The following ITPKC variants were observed in gnomAD, a reference collection of about 807,000 sequenced individuals.
ITPKC encodes IP3 3-kinase C.
ITPKC carries 33 observed loss-of-function variants against 67.1 expected under a neutral mutation model. The observed-to-expected ratio is 0.49, with a 90% confidence interval of 0.37 to 0.66. The LOEUF is 0.66. Among genes scored for constraint, ITPKC ranks in the 30% least tolerant of loss-of-function variants. ITPKC has a pLI of 0.00. For missense variants in ITPKC, 820 were observed against 892.1 expected (o/e 0.92, Z 1.03); for synonymous variants, 341 against 359.8 (o/e 0.95, Z 0.59).
chr19:40,738,289 C>T (rs1319961156), intron 6 of ITPKC, among the ~76,000 whole-genome samples: 4 of 151,742 alleles, frequency 2.6e-5, no homozygotes, highest in Non-Finnish European at 5.9e-5. Flanking sequence ...ATTAGCCGGG[C>T]GTGGTGGCGG....
In ITPKC at chr19:40,717,171, G is replaced by GGCGGAGGCCGGGGCGCTGCCC; in HGVS notation, c.41_61dup (p.Glu14_Ala20dup). ...GCCCGTGCCGTGGGAGCCTGAACGA[G>GGCGGAGGCCGGGGCGCTGCCC]GCGGAGGCCGGGGCGCTGCCCGCGG... is the stretch of plus-strand genomic sequence containing the variant. On this transcript the variant is annotated inframe_insertion, in exon 1 of 7. Coordinates refer to ENST00000263370, the MANE Select transcript of ITPKC (RefSeq NM_025194.3). 1 of 1,227,350 alleles carries GGCGGAGGCCGGGGCGCTGCCC rather than the reference G, an allele frequency of 8.1e-7. No homozygotes were observed. Among genetic ancestry groups the GGCGGAGGCCGGGGCGCTGCCC allele is most frequent in the Non-Finnish European group, 1.0e-6 (1 of 985,390 alleles). 76.0% of individuals were successfully genotyped at this position (1,227,350 alleles called of 1,614,324 possible). A position where few individuals can be genotyped will look rare whatever the true frequency, so the allele number is the denominator to read the frequency against.
In ITPKC at chr19:40,720,659, T is replaced by C. The variant is rs557100973; in HGVS notation, c.1155+2369T>C. Among the ~76,000 whole-genome samples, 22 of 152,260 alleles carry C rather than the reference T, an allele frequency of 1.4e-4. No homozygotes were observed. In the East Asian group the frequency reaches 4.1e-3, roughly 28 times the overall value. On this transcript the variant is annotated intron_variant, in intron 1 of 6. Coordinates refer to ENST00000263370, the MANE Select transcript of ITPKC (RefSeq NM_025194.3). ...GCAGTCAGGGGCTCAGTGCTGCGTT[T>C]GGAGCCTCCGGTCTCCAGGCGCCTT...
At chr19:40,737,438 C>T (rs977979614) in intron 5 of ITPKC, among the ~76,000 whole-genome samples, 3 of 152,226 alleles carry the variant, frequency 2.0e-5, no homozygotes, top group Non-Finnish European at 2.9e-5. Flanking sequence ...AGTCATGTGA[C>T]CCAGCCTGGA....
At chr19:40,730,811 CAAT>C (rs756407607) in intron 3 of ITPKC, among the ~76,000 whole-genome samples, 76 of 152,262 alleles carry the variant, frequency 5.0e-4, no homozygotes, top group Non-Finnish European at 3.4e-4. Context: ...ACTGCCACAA[CAAT>C]GAGAGCACAG....
intron 4 of ITPKC, among the ~76,000 whole-genome samples, chr19:40,736,062 C>G (rs990705132): frequency 6.6e-6 from 1 of 152,124 alleles, no homozygotes; most frequent in Non-Finnish European, 1.5e-5. Flanking sequence ...GAGGCCAAGG[C>G]GGGCGGAGCA....
At chr19:40,737,803 G>A (rs371760094) in intron 6 of ITPKC, 34 bp downstream of exon 6, 1 of 1,556,118 alleles carries the variant, frequency 6.4e-7, no homozygotes, top group African/African-American at 1.4e-5. Context: ...TGGATGTATG[G>A]GTGTCGGGGT....
intron 3 of ITPKC, among the ~76,000 whole-genome samples, chr19:40,732,236 T>A (rs2144748859): frequency 1.0e-5 from 1 of 97,306 alleles, no homozygotes; most frequent in Admixed American, 1.3e-4. Context: ...CAAGACTCCA[T>A]CTCAAAAAAA....
At chr19:40,726,112 G>T (rs1358843547) in intron 2 of ITPKC, among the ~76,000 whole-genome samples, 1 of 152,074 alleles carries the variant, frequency 6.6e-6, no homozygotes, top group Non-Finnish European at 1.5e-5. Context: ...ATGGTGGCGG[G>T]TGCCTGTAAT....
intron 4 of ITPKC, 140 bp from the exon 5 acceptor site, chr19:40,736,846 A>G (rs539244486): frequency 1.0e-5 from 5 of 498,132 alleles, no homozygotes; most frequent in Non-Finnish European, 1.5e-5. Context: ...TTTTTTTTAA[A>G]TAGAGATGGG....
chr19:40,717,376 G>T lies in ITPKC; in HGVS notation c.241G>T (p.Gly81Trp). 1 of 1,612,912 alleles carries T rather than the reference G, an allele frequency of 6.2e-7. No homozygotes were observed. The highest frequency in any genetic ancestry group is 1.1e-5 in the South Asian group (1 of 91,074). ...GAGGGCCGGCCTCGGGCCTGCGCCG[G>T]GGACAGAGAGTCCGCAGGCAGAATT... ...PERAGLGPAP[G>W]TESPQAEFWT... Residue 81 changes from glycine (G) to tryptophan (W), a missense_variant, in exon 1 of 7, where the codon GGG (glycine) becomes TGG (tryptophan). By Grantham distance (184) the Gly-to-Trp change is radical. This residue lies in a region of ITPKC where 481 missense variants were observed against 470.1 expected (regional missense o/e 1.02). Coordinates refer to ENST00000263370, the MANE Select transcript of ITPKC (RefSeq NM_025194.3).
At chr19:40,724,758 G>A (rs1459742705) in intron 1 of ITPKC, among the ~76,000 whole-genome samples, 3 of 152,036 alleles carry the variant, frequency 2.0e-5, no homozygotes, top group African/African-American at 7.2e-5. Context: ...AGACCAGCTT[G>A]GGCAACATGG....
intron 6 of ITPKC, among the ~76,000 whole-genome samples, chr19:40,738,178 C>G (rs1473494867): frequency 1.3e-5 from 2 of 152,132 alleles, no homozygotes; most frequent in Middle Eastern, 3.4e-3. Flanking sequence ...CCTGTAATCC[C>G]AGCACTTTGG....
In ITPKC at chr19:40,717,908, C is replaced by T. The variant is rs538462093; in HGVS notation, c.773C>T (p.Ala258Val). 2 of 1,614,126 alleles carry T rather than the reference C, an allele frequency of 1.2e-6. No homozygotes were observed. The highest frequency in any genetic ancestry group is 1.7e-5 in the Admixed American group (1 of 60,020). The change falls in exon 1 of 7, where the codon GCC (alanine) becomes GTC (valine). Residue 258 changes from alanine (A) to valine (V), a missense_variant. Transcript: ENST00000263370. ...GSQKKQDTEAARKQPGTGGFQ... is the reference protein window; with the variant it reads ...GSQKKQDTEAVRKQPGTGGFQ... Reference sequence around the variant, plus strand: ...CAGAAAAAACAGGATACTGAAGCAGCCAGGAAACAGCCTGGCACTGGTGGT... The same window carrying T: ...CAGAAAAAACAGGATACTGAAGCAGTCAGGAAACAGCCTGGCACTGGTGGT...
At position 40,739,700 on chromosome 19, in the gene ITPKC, C is replaced by A; in HGVS notation, c.*140C>A. On this transcript the variant is annotated 3_prime_UTR_variant, in exon 7 of 7. Coordinates refer to ENST00000263370, the MANE Select transcript of ITPKC (RefSeq NM_025194.3). ...AGATTGTGTCATGTGCCACACGAGACCAACGTGGAAAAGTCTGAAGGGCCT... is the reference window on the plus strand; with the variant it reads ...AGATTGTGTCATGTGCCACACGAGAACAACGTGGAAAAGTCTGAAGGGCCT... 4.2e-6 allele frequency: 3 copies of A among 711,646 alleles called. No individual in the cohort carries two copies. The highest frequency in any genetic ancestry group is 4.6e-6 in the Non-Finnish European group (2 of 434,956). The allele number at this position is 711,646 out of a possible 1,614,324, so 44.1% of individuals were successfully genotyped here.
chr19:40,731,601 T>TG lies in ITPKC; in HGVS notation c.1470-1559_1470-1558insG, dbSNP rs1359306505. On this transcript the variant is annotated intron_variant, in intron 3 of 6. Coordinates refer to ENST00000263370, the MANE Select transcript of ITPKC (RefSeq NM_025194.3). ...CTCCTGAGCCCAATCCTTGGTTTTT[T>TG]TTTTTTTTTTTTTTTTTTTGAGAGG... 3.7e-5 allele frequency among the ~76,000 whole-genome samples: 5 copies of TG among 134,012 alleles called. No homozygotes were observed. The South Asian group carries it at 9.3e-4, about 25-fold the overall frequency. The allele number at this position is 134,012 out of a possible 152,430, so 87.9% of individuals were successfully genotyped here.
intron 4 of ITPKC, among the ~76,000 whole-genome samples, chr19:40,734,867 T>C (rs2082287996): frequency 6.7e-6 from 1 of 150,124 alleles, no homozygotes; most frequent in Non-Finnish European, 1.5e-5. Flanking sequence ...TGCAAACCTC[T>C]GCCTCCCGGG....
intron 1 of ITPKC, among the ~76,000 whole-genome samples, chr19:40,719,617 G>A (rs188113503): frequency 6.6e-6 from 1 of 151,988 alleles, no homozygotes; most frequent in African/African-American, 2.4e-5. Flanking sequence ...AGCCTCCTGA[G>A]TAGGTGAGAC....
chr19:40,737,691 C>G lies in ITPKC; in HGVS notation c.1777-7C>G, dbSNP rs1489153830. ...ATGCTAACCAAAGAACGCTCCCTGT[C>G]ACACAGCAAAAGTACGTGGCATGCC... On this transcript the variant is annotated splice_polypyrimidine_tract_variant and splice_region_variant and intron_variant, in intron 5 of 6. Coordinates refer to ENST00000263370, the MANE Select transcript of ITPKC (RefSeq NM_025194.3). 6.2e-7 allele frequency: 1 copy of G among 1,613,764 alleles called. No homozygotes were observed. The highest frequency in any genetic ancestry group is 1.3e-5 in the African/African-American group (1 of 74,926).
At chr19:40,725,763 C>T (rs1318020819) in intron 2 of ITPKC, among the ~76,000 whole-genome samples, 2 of 152,124 alleles carry the variant, frequency 1.3e-5, no homozygotes, top group African/African-American at 2.4e-5. Flanking sequence ...GTGGAGATAA[C>T]CTTACCTCCC....
Sources: allele counts gnomAD v4.1 joint callset (sites outside exome capture counted in the v4.1 genomes callset), GRCh38; gene constraint gnomAD v4.1.1; regional missense constraint gnomAD v4.1.1; transcripts MANE v1.5; gene names NCBI Gene and HGNC (gene_info 2026-07-23, HGNC 2026-07-21).